Variants in FRMPD3 observed in about 807,000 individuals in gnomAD.
FRMPD3 encodes FERM and PDZ domain containing 3.
A neutral mutation model predicts 97.9 loss-of-function variants in FRMPD3; 42 were observed. The ratio of observed to expected loss-of-function variants is 0.43; its 90% CI spans 0.34 to 0.55. FRMPD3 has a LOEUF of 0.55. Ranked by LOEUF, FRMPD3 falls within the 20% of genes least tolerant of loss-of-function variation. The pLI is 0.03. For synonymous variants in FRMPD3, 577 were observed against 581.1 expected (o/e 0.99, Z 0.10); for missense variants, 1,303 against 1,457.7 (o/e 0.89, Z 1.73).
intron 5 of FRMPD3, 31 bp downstream of exon 5, chrX:107,545,872 C>T: frequency 9.2e-7 from 1 of 1,081,977 alleles, no homozygotes; most frequent in East Asian, 3.0e-5. Flanking sequence ...CTCTCCTCAG[C>T]CCCTGGCCAT....
chrX:107,598,170 C>T, intron 14 of FRMPD3, 28 bp downstream of exon 14: 5 of 1,137,353 alleles, frequency 4.4e-6, no homozygotes, highest in Non-Finnish European at 6.0e-6. Context: ...CTCCCTCTTT[C>T]CACCCCCTTC....
At chrX:107,529,204 CT>C (rs972440663) in intron 2 of FRMPD3, among the ~76,000 whole-genome samples, 5 of 111,912 alleles carry the variant, frequency 4.5e-5, no homozygotes, top group Non-Finnish European at 9.4e-5. Flanking sequence ...GCAGCATAGC[CT>C]TGTGGTATCC....
intron 14 of FRMPD3, among the ~76,000 whole-genome samples, chrX:107,599,248 G>C (rs1166802633): frequency 9.1e-6 from 1 of 109,352 alleles, no homozygotes; most frequent in African/African-American, 3.3e-5. Flanking sequence ...ACTCCAGCCT[G>C]GGTGACAGAG....
rs780661112 is a variant in FRMPD3, at chrX:107,600,339, C to T, written c.2300C>T (p.Ser767Leu). ...IVLATITPES[S>L]LDSGHETNSS... ...CTGGCCACAATCACTCCTGAATCAT[C>T]GCTGGACTCAGGTCATGAAACCAAC... The change falls in exon 15 of 15, where the codon TCG becomes TTG. Residue 767 changes from serine (S) to leucine (L), a missense_variant. Ser to Leu is a moderately radical substitution (Grantham distance 145). Transcript: ENST00000683843. 1.1e-5 allele frequency: 13 copies of T among 1,205,879 alleles called. No individual in the cohort carries two copies. The highest frequency in any genetic ancestry group is 6.6e-5 in the Admixed American group (3 of 45,711).
At position 107,534,538 on chromosome X, in the gene FRMPD3, A is replaced by G. The variant is rs760268775; in HGVS notation, c.297+988A>G. Among the ~76,000 whole-genome samples the G allele has an allele frequency of 2.2e-4, 24 of 111,230 alleles. No individual in the cohort carries two copies. The South Asian group carries it at 2.7e-3, about 12-fold the overall frequency. ...CCATAGAGAGATGACACAGCGAGGGATGGAACACAGGTGCACAGCATGGGC... is the reference window on the plus strand; with the variant it reads ...CCATAGAGAGATGACACAGCGAGGGGTGGAACACAGGTGCACAGCATGGGC... On this transcript the variant is annotated intron_variant, in intron 4 of 14. Transcript: ENST00000683843.
intron 4 of FRMPD3, among the ~76,000 whole-genome samples, chrX:107,537,923 G>A (rs965691740): frequency 6.3e-5 from 7 of 111,614 alleles, no homozygotes; most frequent in Non-Finnish European, 9.4e-5. Flanking sequence ...CCATGCACAC[G>A]TTCCCAGCCG....
Position 107,601,248 on chromosome X carries a change from G to T in FRMPD3, c.3209G>T (p.Arg1070Leu), listed in dbSNP as rs868644298. 5 of 1,209,676 alleles carry T rather than the reference G, an allele frequency of 4.1e-6. No homozygotes were observed. Among genetic ancestry groups the T allele is most frequent in the Non-Finnish European group, 2.2e-6 (2 of 894,267 alleles). Residue 1070 changes from arginine to leucine, a missense_variant, in exon 15 of 15, where the codon CGA (arginine) becomes CTA (leucine). Physicochemically the swap from Arg to Leu is moderately radical, Grantham distance 102. Transcript: ENST00000683843. ...AAAAGCTATCTTTTGCGAACAAGCC[G>T]AGAGTCAGTGGGCAAGCAAGCTACA... is the stretch of plus-strand genomic sequence containing the variant. ...PPKSYLLRTS[R>L]ESVGKQATGE...
rs1276951599 is a variant in FRMPD3, at chrX:107,571,316, CT to C, written c.1297-4994del. ...AAGGTTTCTAAGGAACCTGTCCAAC[CT>C]TTTTGTTTGCCTGCTTTTGATTTCA... On this transcript the variant is annotated intron_variant, in intron 12 of 14. Transcript: ENST00000683843. 2.7e-5 allele frequency among the ~76,000 whole-genome samples: 3 copies of C among 112,419 alleles called. No homozygotes were observed. In the South Asian group the frequency reaches 1.1e-3, roughly 41 times the overall value.
At chrX:107,466,987 G>C (rs1161484145) in intron 1 of FRMPD3, among the ~76,000 whole-genome samples, 1 of 98,494 alleles carries the variant, frequency 1.0e-5, no homozygotes, top group Middle Eastern at 4.6e-3. Context: ...AGACAGGTTG[G>C]AGGTGTGTGT....
chrX:107,558,601 T>C (rs939443812), intron 8 of FRMPD3, among the ~76,000 whole-genome samples: 8 of 111,813 alleles, frequency 7.2e-5, no homozygotes, highest in Admixed American at 6.7e-4. Context: ...TTTGAAAATA[T>C]TCAAAAACAA....
chrX:107,514,041 C>T (rs1387776219), intron 1 of FRMPD3, among the ~76,000 whole-genome samples: 3 of 110,881 alleles, frequency 2.7e-5, no homozygotes, highest in African/African-American at 9.9e-5. Flanking sequence ...TAAGTGGAGA[C>T]CTAAAGGATA....
chrX:107,500,966 A>G (rs1487290646), intron 1 of FRMPD3, among the ~76,000 whole-genome samples: 2 of 111,267 alleles, frequency 1.8e-5, no homozygotes, highest in East Asian at 2.8e-4. Flanking sequence ...CCTGAGGAGC[A>G]CCTCTTTCTA....
At chrX:107,506,600 G>A (rs1160588731) in intron 1 of FRMPD3, among the ~76,000 whole-genome samples, 1 of 112,530 alleles carries the variant, frequency 8.9e-6, no homozygotes, top group African/African-American at 3.2e-5. Context: ...AGTGGCAGCT[G>A]GATTGTCTGC....
intron 13 of FRMPD3, among the ~76,000 whole-genome samples, chrX:107,590,746 C>T (rs1923862317): frequency 8.9e-6 from 1 of 112,598 alleles, no homozygotes; most frequent in Admixed American, 9.4e-5. Flanking sequence ...TATTTATACA[C>T]TGCTGGGTCA....
intron 4 of FRMPD3, 104 bp downstream of exon 4, chrX:107,533,654 A>C: frequency 1.4e-6 from 1 of 695,944 alleles, no homozygotes; most frequent in Non-Finnish European, 2.2e-6. Context: ...AGAGACTACA[A>C]CCAACATATG....
chrX:107,463,095 T>G (rs1234254937), intron 1 of FRMPD3, among the ~76,000 whole-genome samples: 1 of 112,386 alleles, frequency 8.9e-6, no homozygotes, highest in Non-Finnish European at 1.9e-5. Flanking sequence ...ATCTTCTGGA[T>G]GCTTGTGTAA....
At position 107,572,908 on chromosome X, in the gene FRMPD3, C is replaced by CTACTACTACTACTAA. The variant is rs796610991; in HGVS notation, c.1297-3405_1297-3404insCTACTACTACTAATA. On this transcript the variant is annotated intron_variant, in intron 12 of 14. Transcript: ENST00000683843. ...ACTACTACTACTACTACTACTACTA[C>CTACTACTACTACTAA]TAATAATAATAATAATAATAAAGTA... 9.6e-3 allele frequency among the ~76,000 whole-genome samples: 970 copies of CTACTACTACTACTAA among 100,949 alleles called. 13 individuals carry two copies. Among genetic ancestry groups the CTACTACTACTACTAA allele is most frequent in the African/African-American group, 0.03 (794 of 26,724 alleles). The allele number at this position is 100,949 out of a possible 115,157, so 87.7% of individuals were successfully genotyped here.
intron 8 of FRMPD3, among the ~76,000 whole-genome samples, chrX:107,556,029 G>A (rs886254126): frequency 1.8e-5 from 2 of 111,631 alleles, no homozygotes; most frequent in Non-Finnish European, 3.8e-5. Context: ...CAATGGAATG[G>A]GTTTAGGGTA....
At chrX:107,516,340 G>T (rs1014995713) in intron 1 of FRMPD3, among the ~76,000 whole-genome samples, 7 of 110,978 alleles carry the variant, frequency 6.3e-5, no homozygotes, top group Admixed American at 4.8e-4. Flanking sequence ...AAACATACGT[G>T]TGCATGTGTC....
Sources: allele counts gnomAD v4.1 joint callset (sites outside exome capture counted in the v4.1 genomes callset), GRCh38; gene constraint gnomAD v4.1.1; transcripts MANE v1.5; gene names NCBI Gene and HGNC (gene_info 2026-07-23, HGNC 2026-07-21).